Variants in BCAT1 observed in about 807,000 individuals in gnomAD.
The protein encoded by BCAT1 is branched chain amino acid transaminase 1, also known as branched-chain-amino-acid aminotransferase, cytosolic.
In BCAT1, 48 loss-of-function variants were observed where a neutral mutation model predicts 52.4. The observed-to-expected ratio is 0.92, with a 90% CI of 0.73 to 1.16. The LOEUF (loss-of-function observed/expected upper bound fraction) is 1.16. Ranked by LOEUF, BCAT1 falls within the 50% of genes most tolerant of loss-of-function variation. BCAT1 has a pLI of 0.00. For missense variants in BCAT1, 451 were observed against 457.1 expected (o/e 0.99, Z 0.12); for synonymous variants, 167 against 161.3 (o/e 1.04, Z -0.27).
chr12:24,813,615 G>C lies in BCAT1; in HGVS notation c.*4393C>G, dbSNP rs1394098901. 1 of 151,916 alleles carries C rather than the reference G, an allele frequency of 6.6e-6. No individual in the cohort carries two copies. Among genetic ancestry groups the C allele is most frequent in the Non-Finnish European group, 1.5e-5 (1 of 67,900 alleles). 9.4% of individuals were successfully genotyped at this position (151,916 alleles called of 1,614,324 possible). A position where few individuals can be genotyped will look rare whatever the true frequency, so the allele number is the denominator to read the frequency against. ...AAGAATTCAGTCAACACATGTACTA[G>C]GTTGGTAGTAAATAGTAAAGAAAGA... On this transcript the variant is annotated 3_prime_UTR_variant, in exon 11 of 11. Coordinates refer to ENST00000261192, the MANE Select transcript of BCAT1 (RefSeq NM_005504.7).
At chr12:24,907,936 A>T (rs1943253664) in intron 1 of BCAT1, among the ~76,000 whole-genome samples, 1 of 152,188 alleles carries the variant, frequency 6.6e-6, no homozygotes, top group Non-Finnish European at 1.5e-5. Flanking sequence ...ACACGAACAC[A>T]CATGACAATG....
chr12:24,866,192 C>T (rs1176075436), intron 5 of BCAT1, among the ~76,000 whole-genome samples: 1 of 152,222 alleles, frequency 6.6e-6, no homozygotes, highest in African/African-American at 2.4e-5. Flanking sequence ...CCCTGCCAGC[C>T]CCGGGCAGTG....
intron 5 of BCAT1, among the ~76,000 whole-genome samples, chr12:24,872,144 A>G (rs1463742392): frequency 2.0e-5 from 3 of 152,248 alleles, no homozygotes; most frequent in Non-Finnish European, 4.4e-5. Flanking sequence ...AAGCACAAAT[A>G]GAGGCAGTGA....
chr12:24,848,043 T>C (rs1941396737), intron 6 of BCAT1, among the ~76,000 whole-genome samples: 1 of 152,180 alleles, frequency 6.6e-6, no homozygotes, highest in African/African-American at 2.4e-5. Flanking sequence ...GTGATAGGCA[T>C]ATAGGTTAAA....
chr12:24,854,820 A>T (rs1023512415), intron 5 of BCAT1, among the ~76,000 whole-genome samples: 1 of 152,166 alleles, frequency 6.6e-6, no homozygotes, highest in African/African-American at 2.4e-5. Context: ...CTCTTAATCC[A>T]GAGTTATTTC....
chr12:24,843,362 A>G (rs1298567436), intron 6 of BCAT1, among the ~76,000 whole-genome samples: 3 of 152,066 alleles, frequency 2.0e-5, no homozygotes, highest in Non-Finnish European at 4.4e-5. Context: ...CTAGCACTTT[A>G]GGAGCCTAAG....
chr12:24,911,114 AT>A (rs1943318480), intron 1 of BCAT1, among the ~76,000 whole-genome samples: 1 of 151,960 alleles, frequency 6.6e-6, no homozygotes, highest in Non-Finnish European at 1.5e-5. Flanking sequence ...AAAAAAAAAA[AT>A]TGAAAAAATA....
chr12:24,832,433 G>A (rs1398329851), intron 9 of BCAT1, among the ~76,000 whole-genome samples: 6 of 152,102 alleles, frequency 3.9e-5, no homozygotes, highest in South Asian at 4.1e-4. Context: ...AGCATGGTGC[G>A]GTGGCGCACT....
At chr12:24,863,927 T>A (rs1278351949) in intron 5 of BCAT1, among the ~76,000 whole-genome samples, 1 of 150,640 alleles carries the variant, frequency 6.6e-6, no homozygotes, top group Admixed American at 6.6e-5. Flanking sequence ...CAGGACCTTG[T>A]CTCAAAAAAA....
Position 24,818,056 on chromosome 12 carries a change from C to T in BCAT1, c.1120-7G>A. 2 of 1,612,206 alleles carry T rather than the reference C, an allele frequency of 1.2e-6. No homozygotes were observed. Among genetic ancestry groups the T allele is most frequent in the Non-Finnish European group, 8.5e-7 (1 of 1,178,690 alleles). On this transcript the variant is annotated splice_region_variant and splice_polypyrimidine_tract_variant and intron_variant, in intron 10 of 10. Coordinates refer to ENST00000261192, the MANE Select transcript of BCAT1 (RefSeq NM_005504.7). ...CGCTCTCTTCTCTTCCATACTGCAA[C>T]AAAAGCAAGAAAACGTGTTTCAGTA...
intron 3 of BCAT1, among the ~76,000 whole-genome samples, chr12:24,886,832 T>TAAAAAAA (rs1216608757): frequency 2.7e-4 from 33 of 121,588 alleles, no homozygotes; most frequent in African/African-American, 8.9e-4. Flanking sequence ...CCCTGTCTCT[T>TAAAAAAA]AAAAAAAAAA....
intron 3 of BCAT1, among the ~76,000 whole-genome samples, chr12:24,884,529 G>T (rs1036476585): frequency 1.3e-5 from 2 of 152,292 alleles, no homozygotes; most frequent in South Asian, 4.2e-4. Flanking sequence ...GTTCAGTGAT[G>T]AGTATGCTAA....
intron 5 of BCAT1, among the ~76,000 whole-genome samples, chr12:24,859,151 T>C (rs1020868145): frequency 1.3e-5 from 2 of 152,224 alleles, no homozygotes; most frequent in African/African-American, 4.8e-5. Context: ...TTCTTAAGAA[T>C]TGGATTTGAC....
At chr12:24,945,817 C>G (rs1327712595) in intron 1 of BCAT1, 1 of 152,010 alleles carries the variant, frequency 6.6e-6, no homozygotes, top group African/African-American at 2.4e-5. Context: ...CAGTGAGATT[C>G]TGTCAAAAAA....
intron 1 of BCAT1, among the ~76,000 whole-genome samples, chr12:24,926,363 C>A (rs1462577525): frequency 6.6e-6 from 1 of 151,804 alleles, no homozygotes; most frequent in Non-Finnish European, 1.5e-5. Context: ...GGCCAGCCGC[C>A]CCGTCCGGGA....
chr12:24,922,268 G>A (rs1188535176), intron 1 of BCAT1, among the ~76,000 whole-genome samples: 7 of 152,086 alleles, frequency 4.6e-5, no homozygotes, highest in Admixed American at 2.6e-4. Flanking sequence ...AGGCTCAAGC[G>A]ATCCACCTGC....
intron 1 of BCAT1, among the ~76,000 whole-genome samples, chr12:24,911,855 A>T (rs982575072): frequency 6.6e-6 from 1 of 152,264 alleles, no homozygotes; most frequent in Non-Finnish European, 1.5e-5. Context: ...GGATAAAAAG[A>T]TTAGGAATTT....
At chr12:24,878,469 C>T in intron 5 of BCAT1, 61 bp downstream of exon 5, 1 of 1,466,586 alleles carries the variant, frequency 6.8e-7, no homozygotes. Context: ...AAGTTTCAAA[C>T]AACAATAAAC....
rs1330140839 is a variant in BCAT1, at chr12:24,833,866, G to T, written c.904-1003C>A. 3 of 149,258 alleles carry T rather than the reference G, an allele frequency of 2.0e-5. No homozygotes were observed. In the Admixed American group the frequency reaches 2.0e-4, roughly 10 times the overall value. The allele number at this position is 149,258 out of a possible 1,614,324, so 9.2% of individuals were successfully genotyped here. ...GACAGGGTCTTGCCCTGTCACCCAG[G>T]CTGGAATGCAGTGGCATAATCTTGG... is the stretch of plus-strand genomic sequence containing the variant. On this transcript the variant is annotated intron_variant, in intron 8 of 10. Transcript: ENST00000261192.
Sources: gnomAD v4.1 joint callset for allele counts (sites outside exome capture counted in the v4.1 genomes callset) on GRCh38, gnomAD v4.1.1 for gene constraint, MANE v1.5 for transcripts, NCBI Gene and HGNC (gene_info 2026-07-23, HGNC 2026-07-21) for gene names.